CHAT: variants seen among roughly 807,000 people sequenced by gnomAD.
The protein encoded by CHAT is acetyl CoA:choline O-acetyltransferase.
In CHAT, 61 loss-of-function variants were observed where a neutral mutation model predicts 76.9. That is an observed-to-expected ratio of 0.79 (90% confidence interval 0.65 to 0.98). The LOEUF is 0.98. Ranked by LOEUF, CHAT falls within the 50% of genes least tolerant of loss-of-function variation. The pLI, the probability that CHAT is intolerant of heterozygous loss-of-function variation, is 0.00. For synonymous variants in CHAT, 407 were observed against 397.4 expected (o/e 1.02, Z -0.29); for missense variants, 946 against 986.9 (o/e 0.96, Z 0.56).
chr10:49,649,931 A>G lies in CHAT; in HGVS notation c.1511+295A>G, dbSNP rs1917811. ...GACTGAGCAGAGTCAAGGCCGGGAA[A>G]TCATCCCCTGCTTTAGGGGGAGTAA... On this transcript the variant is annotated intron_variant, in intron 10 of 14. Coordinates refer to ENST00000337653, the MANE Select transcript of CHAT (RefSeq NM_020549.5). 0.39 allele frequency among the ~76,000 whole-genome samples: 56,771 copies of G among 144,570 alleles called. 11,713 individuals carry two copies. The highest frequency in any genetic ancestry group is 0.53 in the Middle Eastern group (140 of 266). 94.8% of individuals were successfully genotyped at this position (144,570 alleles called of 152,430 possible).
chr10:49,649,666 G>T (rs1290974547), intron 10 of CHAT, 30 bp downstream of exon 10: 1 of 1,612,996 alleles, frequency 6.2e-7, no homozygotes, highest in Non-Finnish European at 8.5e-7. Context: ...CCTTTGAGGG[G>T]TCCCCTAGGG....
intron 7 of CHAT, 67 bp from the exon 8 acceptor site, chr10:49,646,438 G>A (rs1419966146): frequency 1.3e-6 from 2 of 1,588,910 alleles, no homozygotes; most frequent in Admixed American, 3.3e-5. Flanking sequence ...CCCTGTGTGG[G>A]GCTCTGAGGA....
intron 7 of CHAT, chr10:49,637,560 G>C (rs1839337736): frequency 6.6e-6 from 1 of 152,490 alleles, no homozygotes; most frequent in South Asian, 2.0e-4. Context: ...CTTGTTCTCT[G>C]TCTCTCCTGC....
chr10:49,630,065 T>C (rs1839062369), intron 7 of CHAT, among the ~76,000 whole-genome samples: 1 of 151,972 alleles, frequency 6.6e-6, no homozygotes, highest in Non-Finnish European at 1.5e-5. Context: ...GATGGAGAAA[T>C]CATTGCCACA....
chr10:49,621,482 T>G (rs1838706310), intron 4 of CHAT, among the ~76,000 whole-genome samples: 1 of 152,232 alleles, frequency 6.6e-6, no homozygotes, highest in Non-Finnish European at 1.5e-5. Flanking sequence ...AATCCTGGTA[T>G]GACAGTTCCC....
rs1263459404 is a variant in CHAT at position 49,655,186 on chromosome 10, G to C, written c.1726G>C (p.Glu576Gln). The stretch of plus-strand genomic sequence containing the variant: ...GGACAACATCAGATCGGCCACTCCA[G>C]AGGCACTGGCTTTTGTGAGAGCCGT... ...RVDNIRSATP[E>Q]ALAFVRAVTD... The change falls in exon 12 of 15, where the codon GAG becomes CAG. Residue 576 changes from glutamate (E) to glutamine (Q), a missense_variant. Glu to Gln is a conservative substitution (Grantham distance 29). Around this residue, in one of 3 missense-constraint regions of CHAT, gnomAD observed 349 missense variants for 393.9 expected, o/e 0.89. Coordinates refer to ENST00000337653, the MANE Select transcript of CHAT (RefSeq NM_020549.5). 3.1e-6 allele frequency: 5 copies of C among 1,614,056 alleles called. No homozygotes were observed. The highest frequency in any genetic ancestry group is 4.2e-6 in the Non-Finnish European group (5 of 1,180,038).
At chr10:49,612,353 C>A, upstream of CHAT, 1 of 1,567,108 alleles carries the variant, frequency 6.4e-7, no homozygotes, top group Non-Finnish European at 8.7e-7. Flanking sequence ...CCCCACTCCT[C>A]CTCCAGCCCA....
intron 7 of CHAT, among the ~76,000 whole-genome samples, chr10:49,638,362 A>G (rs1220019336): frequency 6.6e-6 from 1 of 152,226 alleles, no homozygotes; most frequent in Non-Finnish European, 1.5e-5. Flanking sequence ...GACAGCATAT[A>G]GCTGGGTAAT....
chr10:49,637,059 T>G (rs1421055626), intron 7 of CHAT, among the ~76,000 whole-genome samples: 1 of 151,842 alleles, frequency 6.6e-6, no homozygotes, highest in Non-Finnish European at 1.5e-5. Flanking sequence ...TTTGTCAGTC[T>G]CTCTATGAAT....
chr10:49,652,051 C>T (rs752560065), intron 11 of CHAT, 45 bp downstream of exon 11: 13 of 1,613,608 alleles, frequency 8.1e-6, no homozygotes, highest in Admixed American at 1.7e-5. Context: ...GGCTGACGGA[C>T]ACAGTGCTGT....
chr10:49,628,873 G>A (rs1385232454), intron 7 of CHAT, among the ~76,000 whole-genome samples: 1 of 152,264 alleles, frequency 6.6e-6, no homozygotes, highest in Non-Finnish European at 1.5e-5. Context: ...GAGAATAGCT[G>A]CCCAGCAAAG....
At chr10:49,617,781 G>C (rs1296529649) in intron 2 of CHAT, among the ~76,000 whole-genome samples, 1 of 152,130 alleles carries the variant, frequency 6.6e-6, no homozygotes, top group Non-Finnish European at 1.5e-5. Flanking sequence ...CAGCTGGGTT[G>C]GGGGCCCAGA....
At chr10:49,627,856 G>T (rs1406502597) in intron 7 of CHAT, 71 bp downstream of exon 7, 9 of 1,524,558 alleles carry the variant, frequency 5.9e-6, no homozygotes, top group Non-Finnish European at 8.0e-6. Context: ...CCTCCTCTAG[G>T]GTTGGGCCAG....
rs1459414762 is a variant in CHAT, at chr10:49,665,911, A to C, written c.*865A>C. ...GTCCTGCCATTTGCATTTTTTCTGC[A>C]TCTTTTCCCCTCTCCTCCCCTCCTA... On this transcript the variant is annotated 3_prime_UTR_variant, in exon 15 of 15. Coordinates refer to ENST00000337653, the MANE Select transcript of CHAT (RefSeq NM_020549.5). Among the ~76,000 whole-genome samples, 2 of 152,158 alleles carry C rather than the reference A, an allele frequency of 1.3e-5. No homozygotes were observed. Among genetic ancestry groups the C allele is most frequent in the African/African-American group, 2.4e-5 (1 of 41,432 alleles).
intron 13 of CHAT, among the ~76,000 whole-genome samples, chr10:49,659,065 A>G (rs1403999824): frequency 6.6e-6 from 1 of 152,246 alleles, no homozygotes; most frequent in Admixed American, 6.5e-5. Flanking sequence ...AACACTAAAC[A>G]TGAAGAGAAG....
chr10:49,612,187 G>T (rs1378497250), upstream of CHAT: 3 of 1,609,628 alleles, frequency 1.9e-6, no homozygotes, highest in Non-Finnish European at 2.5e-6. Flanking sequence ...TTCCGAGCGC[G>T]ATGTGCTGCT....
chr10:49,660,536 T>C (rs552226098), intron 13 of CHAT, among the ~76,000 whole-genome samples: 2 of 152,026 alleles, frequency 1.3e-5, no homozygotes, highest in East Asian at 3.9e-4. Flanking sequence ...AAGCATATGT[T>C]TGGAGGAAAG....
chr10:49,612,357 C>T, upstream of CHAT: 1 of 1,563,944 alleles, frequency 6.4e-7, no homozygotes, highest in South Asian at 1.2e-5. Context: ...ACTCCTCCTC[C>T]AGCCCACCCA....
intron 13 of CHAT, among the ~76,000 whole-genome samples, chr10:49,657,563 G>A (rs1049226351): frequency 1.3e-5 from 2 of 152,182 alleles, no homozygotes; most frequent in African/African-American, 4.8e-5. Flanking sequence ...AGAGGCTGAA[G>A]CAGAAGGACT....
Sources: gnomAD v4.1 joint callset for allele counts (sites outside exome capture counted in the v4.1 genomes callset) on GRCh38, gnomAD v4.1.1 for gene constraint, gnomAD v4.1.1 regional missense constraint, MANE v1.5 for transcripts, NCBI Gene and HGNC (gene_info 2026-07-23, HGNC 2026-07-21) for gene names.